UBE3B: variants seen among roughly 807,000 people sequenced by gnomAD.
UBE3B encodes the protein ubiquitin protein ligase E3B, also known as ubiquitin-protein ligase E3B.
UBE3B carries 80 observed loss-of-function variants against 132.3 expected under a neutral mutation model. That is an observed-to-expected ratio of 0.60 (90% CI 0.50 to 0.73). The LOEUF (loss-of-function observed/expected upper bound fraction) is 0.73. UBE3B is among the 30% of genes least tolerant of loss of function. The pLI is 0.00. For missense variants in UBE3B, 1,196 were observed against 1,362.5 expected, an observed-to-expected ratio of 0.88 and a Z score of 1.92; for synonymous variants, 487 against 520.4, an observed-to-expected ratio of 0.94 and a Z score of 0.87.
Position 109,535,721 on chromosome 12 carries a change from A to T in UBE3B, c.*939A>T, listed in dbSNP as rs1257532930. The T allele has an allele frequency of 6.6e-6, 1 of 152,266 alleles. No individual in the cohort carries two copies. The highest frequency in any genetic ancestry group is 2.4e-5 in the African/African-American group (1 of 41,444). The allele number at this position is 152,266 out of a possible 1,614,324, so 9.4% of individuals were successfully genotyped here. A position where few individuals can be genotyped will look rare whatever the true frequency, so the allele number is the denominator to read the frequency against. ...TTCACTCCTGAGTCTGCAAAATCCC[A>T]GGAAACTTGGGTCTTGCTGCCCATC... On this transcript the variant is annotated 3_prime_UTR_variant, in exon 28 of 28. Transcript: ENST00000342494.
chr12:109,520,986 C>T (rs1881639424), intron 19 of UBE3B, 162 bp from the exon 20 acceptor site: 6 of 711,420 alleles, frequency 8.4e-6, no homozygotes, highest in Admixed American at 2.9e-5. Context: ...AATCAGCACT[C>T]ATTCAAAAGC....
At chr12:109,518,056 A>C (rs1419674114) in intron 19 of UBE3B, 6 of 340,394 alleles carry the variant, frequency 1.8e-5, no homozygotes, top group African/African-American at 1.1e-4. Flanking sequence ...CCTGCAGGCC[A>C]TGTGAAGGAG....
At chr12:109,546,407 G>T in the UBE3B span, among the ~76,000 whole-genome samples, 1 of 152,246 alleles carries the variant, frequency 6.6e-6, no homozygotes, top group East Asian at 1.9e-4. Flanking sequence ...AAATGTATTG[G>T]GCAGTATTGA....
intron 26 of UBE3B, 110 bp from the exon 27 acceptor site, chr12:109,533,355 CA>C: frequency 9.9e-7 from 1 of 1,007,308 alleles, no homozygotes; most frequent in Admixed American, 1.8e-5. Context: ...GGCTAGACAG[CA>C]GTTACAACAC....
chr12:109,504,321 T>C (rs534906867), intron 14 of UBE3B, among the ~76,000 whole-genome samples: 1 of 152,334 alleles, frequency 6.6e-6, no homozygotes, highest in South Asian at 2.1e-4. Flanking sequence ...AAATGCCCCC[T>C]GGGAGGCAAA....
chr12:109,540,345 C>G (rs781600900), downstream of UBE3B, among the ~76,000 whole-genome samples: 5 of 152,172 alleles, frequency 3.3e-5, no homozygotes, highest in Non-Finnish European at 4.4e-5. Flanking sequence ...GTAGCTGGGA[C>G]CACAAGTGTG....
chr12:109,530,167 G>T lies in UBE3B; in HGVS notation c.2810+95G>T, dbSNP rs137869362. On this transcript the variant is annotated intron_variant, in intron 25 of 27. Transcript: ENST00000342494. Reference sequence around the variant, plus strand: ...TTCCTTTTAGAGAGTTGTTTTAGGAGCCTGTCTCCAGATCTCCTTCTCCTC... The same window carrying T: ...TTCCTTTTAGAGAGTTGTTTTAGGATCCTGTCTCCAGATCTCCTTCTCCTC... The T allele has an allele frequency of 5.5e-3, 7,894 of 1,438,238 alleles. 34 individuals are homozygous for T. Among genetic ancestry groups the T allele is most frequent in the Non-Finnish European group, 6.6e-3 (6,996 of 1,053,120 alleles). The allele number at this position is 1,438,238 out of a possible 1,614,324, so 89.1% of individuals were successfully genotyped here. A position where few individuals can be genotyped will look rare whatever the true frequency, so the allele number is the denominator to read the frequency against.
intron 11 of UBE3B, among the ~76,000 whole-genome samples, chr12:109,498,815 G>A (rs955595666): frequency 7.9e-5 from 12 of 151,886 alleles, no homozygotes; most frequent in African/African-American, 2.2e-4. Context: ...TTTTAGATAG[G>A]AAAAGTTTTT....
chr12:109,521,119 C>G lies in UBE3B; in HGVS notation c.2077-29C>G. On this transcript the variant is annotated intron_variant, in intron 19 of 27. Coordinates refer to ENST00000342494, the MANE Select transcript of UBE3B (RefSeq NM_130466.4). This position sits in a 1 kb window ranked among gnomAD's most constrained non-coding sequence, Gnocchi z 4.2. Reference sequence around the variant, plus strand: ...TTGTGTGCATAAGGCTTTGGGCTTCCTAATGGGCTGTAATTCTGCTCTTGG... The same window carrying G: ...TTGTGTGCATAAGGCTTTGGGCTTCGTAATGGGCTGTAATTCTGCTCTTGG... The G allele has an allele frequency of 1.9e-6, 3 of 1,611,676 alleles. No individual in the cohort carries two copies. The East Asian group carries it at 6.7e-5, about 36-fold the overall frequency.
chr12:109,501,052 A>G (rs2241213), intron 12 of UBE3B, among the ~76,000 whole-genome samples: 86,208 of 151,944 alleles, frequency 0.57, 25,479 homozygotes, highest in African/African-American at 0.72. Flanking sequence ...CAAGCCAGCT[A>G]TGAGGAGGGA....
the UBE3B span, among the ~76,000 whole-genome samples, chr12:109,545,117 C>G: frequency 6.6e-6 from 1 of 152,216 alleles, no homozygotes; most frequent in African/African-American, 2.4e-5. Flanking sequence ...CTTCTGTCTC[C>G]CAGAGGGGCT....
intron 2 of UBE3B, among the ~76,000 whole-genome samples, chr12:109,482,093 A>G (rs1054364565): frequency 2.0e-5 from 3 of 152,210 alleles, no homozygotes; most frequent in Admixed American, 2.0e-4. Context: ...CTAATAATAG[A>G]GCACACTTAT....
At chr12:109,539,914 CA>C (rs1461549336), downstream of UBE3B, among the ~76,000 whole-genome samples, 2 of 151,984 alleles carry the variant, frequency 1.3e-5, no homozygotes, top group Non-Finnish European at 2.9e-5. Flanking sequence ...CTTACCGTGA[CA>C]GTCCAAGTGT....
At position 109,483,695 on chromosome 12, in the gene UBE3B, A is replaced by T; in HGVS notation, c.144A>T (p.Arg48=). ...AHVRSFLCRS[R]LQRDIRREID... The stretch of plus-strand genomic sequence containing the variant: ...TCCGGAGTTTTCTCTGTCGGAGTCG[A>T]CTGCAGAGAGATATCAGGTAAGGGC... The change falls in exon 3 of 28, where the codon CGA becomes CGT. Residue 48 remains arginine (R), a synonymous_variant. Transcript: ENST00000342494. The T allele has an allele frequency of 6.2e-7, 1 of 1,606,714 alleles. No individual in the cohort carries two copies. The highest frequency in any genetic ancestry group is 1.1e-5 in the South Asian group (1 of 89,724).
At chr12:109,498,486 TTAGA>T in intron 11 of UBE3B, 133 bp downstream of exon 11, 1 of 1,032,482 alleles carries the variant, frequency 9.7e-7, no homozygotes, top group African/African-American at 1.6e-5. Context: ...AAACACGTAT[TTAGA>T]TAGACAGTTA....
rs1566096946 is a variant in UBE3B at position 109,510,433 on chromosome 12, A to G, written c.1831A>G (p.Thr611Ala). 1.9e-6 allele frequency: 3 copies of G among 1,611,764 alleles called. No homozygotes were observed. Among genetic ancestry groups the G allele is most frequent in the Non-Finnish European group, 2.5e-6 (3 of 1,179,290 alleles). Residue 611 changes from threonine to alanine, a missense_variant, in exon 17 of 28, where the codon ACC becomes GCC. Thr to Ala is a moderately conservative substitution (Grantham distance 58, BLOSUM62 0). Transcript: ENST00000342494. ...CGAGCGGGACTGCCGGCGGCGCTTC[A>G]CCCCCGAGGACCACTGGCTGCGAAA... Reference protein sequence around the residue: ...LYERDCRRRFTPEDHWLRKDL... With the variant: ...LYERDCRRRFAPEDHWLRKDL...
intron 23 of UBE3B, among the ~76,000 whole-genome samples, chr12:109,524,934 C>T (rs940878289): frequency 6.6e-6 from 1 of 151,950 alleles, no homozygotes; most frequent in Non-Finnish European, 1.5e-5. Flanking sequence ...GGTCTCAGGG[C>T]CGCAGCACGT....
chr12:109,512,480 A>C (rs1183108344), intron 18 of UBE3B, among the ~76,000 whole-genome samples: 1 of 152,150 alleles, frequency 6.6e-6, no homozygotes, highest in Admixed American at 6.5e-5. Context: ...AGTGGCAGGC[A>C]CTCTGGAAAT....
chr12:109,531,243 C>T (rs2136131949), intron 26 of UBE3B, among the ~76,000 whole-genome samples: 1 of 152,218 alleles, frequency 6.6e-6, no homozygotes, highest in East Asian at 1.9e-4. Flanking sequence ...TAACTGGTTC[C>T]CCAGTTATGG....
Sources: allele counts gnomAD v4.1 joint callset (sites outside exome capture counted in the v4.1 genomes callset), GRCh38; gene constraint gnomAD v4.1.1; non-coding constraint Gnocchi (gnomAD v3.1); transcripts MANE v1.5; gene names NCBI Gene and HGNC (gene_info 2026-07-23, HGNC 2026-07-21).